The following XCR1 variants were observed in gnomAD, a reference collection of about 807,000 sequenced individuals.
The protein encoded by XCR1 is chemokine XC receptor 1.
For missense variants in XCR1, 356 were observed against 424.2 expected (o/e 0.84, Z 1.41); for synonymous variants, 187 against 188.5 (o/e 0.99, Z 0.06).
At chr3:46,077,945 AG>A (rs890055528) in intron 1 of XCR1, among the ~76,000 whole-genome samples, 91 of 152,278 alleles carry the variant, frequency 6.0e-4, no homozygotes, top group African/African-American at 2.1e-3. Flanking sequence ...AGAGAAGGAA[AG>A]GGGCAAAGAC....
chr3:46,048,584 C>T (rs1327238611), intron 5 of XCR1, among the ~76,000 whole-genome samples: 1 of 152,140 alleles, frequency 6.6e-6, no homozygotes, highest in Non-Finnish European at 1.5e-5. Context: ...ATTATGTGGT[C>T]GCATGCACCT....
chr3:46,074,618 A>T (rs1025808840), intron 3 of XCR1, among the ~76,000 whole-genome samples: 6 of 151,530 alleles, frequency 4.0e-5, no homozygotes, highest in South Asian at 2.1e-4. Context: ...TTTATATTTT[A>T]AAAAAAATCA....
At chr3:46,032,548 C>T (rs1341872081) in intron 5 of XCR1, among the ~76,000 whole-genome samples, 1 of 152,224 alleles carries the variant, frequency 6.6e-6, no homozygotes, top group Non-Finnish European at 1.5e-5. Flanking sequence ...GAGCCTAGTG[C>T]AGCCTACCAG....
chr3:46,068,503 C>T (rs1698113380), intron 3 of XCR1, among the ~76,000 whole-genome samples: 1 of 152,008 alleles, frequency 6.6e-6, no homozygotes, highest in South Asian at 2.1e-4. Flanking sequence ...TATGATAGAG[C>T]AGTGATGGTG....
intron 3 of XCR1, among the ~76,000 whole-genome samples, chr3:46,071,334 G>T (rs1036329890): frequency 6.6e-6 from 1 of 151,724 alleles, no homozygotes; most frequent in Admixed American, 6.6e-5. Context: ...TTTTTTTTAA[G>T]TTTCAAAAAA....
intron 5 of XCR1, among the ~76,000 whole-genome samples, chr3:46,037,357 T>C (rs1429840679): frequency 6.6e-6 from 1 of 152,006 alleles, no homozygotes; most frequent in Non-Finnish European, 1.5e-5. Context: ...AAGTTATGAA[T>C]GTGACAACGT....
chr3:46,078,193 G>GT (rs1404322087), intron 1 of XCR1, among the ~76,000 whole-genome samples: 1 of 152,184 alleles, frequency 6.6e-6, no homozygotes, highest in Admixed American at 6.5e-5. Context: ...GTTGGCTCAA[G>GT]TAAAGTCTTC....
intron 4 of XCR1, among the ~76,000 whole-genome samples, chr3:46,058,870 G>T (rs917592656): frequency 2.0e-5 from 3 of 152,194 alleles, no homozygotes; most frequent in Non-Finnish European, 2.9e-5. Context: ...CGGCCATAGG[G>T]TGTCTTCTGT....
chr3:46,082,913 TAAACCAA>T (rs1442118730), intron 1 of XCR1, among the ~76,000 whole-genome samples: 1 of 152,152 alleles, frequency 6.6e-6, no homozygotes, highest in African/African-American at 2.4e-5. Flanking sequence ...TTTGCTACCC[TAAACCAA>T]AAACTACTTT....
chr3:46,079,845 C>T (rs1698327271), intron 1 of XCR1, among the ~76,000 whole-genome samples: 1 of 152,134 alleles, frequency 6.6e-6, no homozygotes, highest in South Asian at 2.1e-4. Context: ...AGTTCACATG[C>T]TGGTATGAGA....
intron 3 of XCR1, among the ~76,000 whole-genome samples, chr3:46,072,635 CA>C (rs1698181773): frequency 6.6e-6 from 1 of 152,212 alleles, no homozygotes; most frequent in African/African-American, 2.4e-5. Context: ...AATAAAAGGA[CA>C]AATATCTCAT....
upstream of XCR1, among the ~76,000 whole-genome samples, chr3:46,029,288 C>A (rs967384851): frequency 6.6e-6 from 1 of 152,154 alleles, no homozygotes; most frequent in Non-Finnish European, 1.5e-5. Flanking sequence ...ACTGCAGCTT[C>A]AATCTCCCAG....
chr3:46,030,647 G>A (rs929228826), upstream of XCR1, among the ~76,000 whole-genome samples: 2 of 152,196 alleles, frequency 1.3e-5, no homozygotes, highest in Non-Finnish European at 2.9e-5. Flanking sequence ...TGGCAGTGGT[G>A]GGCCATCCAG....
intron 5 of XCR1, among the ~76,000 whole-genome samples, chr3:46,046,429 G>C (rs960461248): frequency 2.0e-5 from 3 of 152,238 alleles, no homozygotes; most frequent in Non-Finnish European, 4.4e-5. Context: ...CTCAGTGCCA[G>C]GAAGTGACTG....
At position 46,021,474 on chromosome 3, in the gene XCR1, G is replaced by A. The variant is rs929053089; in HGVS notation, c.474C>T (p.Ile158=). 6.2e-7 allele frequency: 1 copy of A among 1,613,984 alleles called. No individual in the cohort carries two copies. Among genetic ancestry groups the A allele is most frequent in the South Asian group, 1.1e-5 (1 of 91,070 alleles). The change falls in exon 2 of 2, where the codon ATC becomes ATT. Residue 158 remains isoleucine (I), a synonymous_variant. Coordinates refer to ENST00000309285, the MANE Select transcript of XCR1 (RefSeq NM_001024644.2). This position sits in a 1 kb window ranked among gnomAD's most constrained non-coding sequence, Gnocchi z 4.7. ...AGATGGTGTCGAGGATGGAGGACAG[G>A]ATGCTGGCTACCCACACAGCCATGG... is the stretch of plus-strand genomic sequence containing the variant. The part of the protein sequence containing the change: ...LVTMAVWVAS[I]LSSILDTIFH...
At chr3:46,062,112 C>T (rs1055586768) in intron 4 of XCR1, among the ~76,000 whole-genome samples, 4 of 152,132 alleles carry the variant, frequency 2.6e-5, no homozygotes, top group African/African-American at 4.8e-5. Flanking sequence ...CCCAGGGCAC[C>T]TCTGGGACTT....
upstream of XCR1, among the ~76,000 whole-genome samples, chr3:46,031,747 C>T (rs1708399006): frequency 6.6e-6 from 1 of 152,222 alleles, no homozygotes; most frequent in African/African-American, 2.4e-5. Context: ...CCATGGCCAC[C>T]CATGGACTTT....
At chr3:46,044,203 T>C (rs1697585055) in intron 5 of XCR1, among the ~76,000 whole-genome samples, 1 of 152,098 alleles carries the variant, frequency 6.6e-6, no homozygotes, top group South Asian at 2.1e-4. Context: ...ACCATGTTGG[T>C]CTCAAACACC....
chr3:46,056,569 A>T (rs190767757), intron 4 of XCR1, among the ~76,000 whole-genome samples: 1 of 151,744 alleles, frequency 6.6e-6, no homozygotes, highest in African/African-American at 2.4e-5. Context: ...AACCTCCTGG[A>T]CTCAAGCAAT....
Sources: gnomAD v4.1 joint callset for allele counts (sites outside exome capture counted in the v4.1 genomes callset) on GRCh38, gnomAD v4.1.1 for gene constraint, Gnocchi (gnomAD v3.1) non-coding constraint, MANE v1.5 for transcripts, NCBI Gene and HGNC (gene_info 2026-07-23, HGNC 2026-07-21) for gene names.